R3HDM1: variants seen among roughly 807,000 people sequenced by gnomAD.
R3HDM1 encodes R3H domain containing 1, also known as R3H domain-containing protein 1.
Under a neutral mutation model 141.1 loss-of-function variants are expected in R3HDM1, and 46 were observed. The observed-to-expected ratio is 0.33, with a 90% CI of 0.26 to 0.42. R3HDM1 has a LOEUF of 0.42. Ranked by LOEUF, R3HDM1 falls within the 10% of genes least tolerant of loss-of-function variation. R3HDM1 has a pLI of 1.00. For synonymous variants in R3HDM1, 435 were observed against 472.9 expected (o/e 0.92, Z 1.04); for missense variants, 1,184 against 1,368.3 (o/e 0.87, Z 2.12).
At chr2:135,619,008 G>A (rs951762373) in intron 5 of R3HDM1, among the ~76,000 whole-genome samples, 9 of 139,394 alleles carry the variant, frequency 6.5e-5, no homozygotes, top group African/African-American at 1.6e-4. Context: ...TGACAAGAGC[G>A]AAACTCTTAT....
At chr2:135,572,048 C>T (rs6759866) in intron 1 of R3HDM1, among the ~76,000 whole-genome samples, 38,979 of 152,034 alleles carry the variant, frequency 0.26, 8,818 homozygotes, top group African/African-American at 0.6. Flanking sequence ...CTCCACCTCC[C>T]GGGTTCAAGC....
rs1385750124 is a variant in R3HDM1, at chr2:135,710,110, T to C, written c.2615T>C (p.Val872Ala). The change falls in exon 23 of 27, where the codon GTA becomes GCA. Residue 872 changes from valine (V) to alanine (A), a missense_variant. Physicochemically the swap from Val to Ala is moderately conservative, Grantham distance 64 (BLOSUM62 0). Around this residue, in one of 5 missense-constraint regions of R3HDM1, gnomAD observed 563 missense variants for 562.0 expected, o/e 1.00. Transcript: ENST00000683871. ...GGGMVMMQLS[V>A]PNNPQSCAHS... ...GGGATGGTGATGATGCAGCTCAGTG[T>C]ACCAAACAATCCACAATCTTGTGCC... The C allele has an allele frequency of 3.1e-6, 5 of 1,614,040 alleles. No homozygotes were observed. Among genetic ancestry groups the C allele is most frequent in the Non-Finnish European group, 4.2e-6 (5 of 1,180,020 alleles).
At chr2:135,646,347 G>GGATGGTCTC (rs1056880256) in intron 16 of R3HDM1, among the ~76,000 whole-genome samples, 13 of 151,416 alleles carry the variant, frequency 8.6e-5, no homozygotes, top group African/African-American at 3.1e-4. Context: ...ATGTTAGTCA[G>GGATGGTCTC]GATGGTCTCG....
At chr2:135,644,485 G>A (rs542573143) in intron 15 of R3HDM1, among the ~76,000 whole-genome samples, 117 of 152,062 alleles carry the variant, frequency 7.7e-4, no homozygotes, top group South Asian at 6.2e-4. Flanking sequence ...AGCCTGGGCC[G>A]GGCAACAGAG....
chr2:135,591,917 T>C (rs1321075207), intron 1 of R3HDM1, among the ~76,000 whole-genome samples: 1 of 152,240 alleles, frequency 6.6e-6, no homozygotes, highest in Non-Finnish European at 1.5e-5. Context: ...GGTCAAGATG[T>C]ATTGTCTTTC....
At chr2:135,643,552 G>A (rs2064035985) in intron 15 of R3HDM1, among the ~76,000 whole-genome samples, 2 of 151,922 alleles carry the variant, frequency 1.3e-5, no homozygotes, top group African/African-American at 4.8e-5. Flanking sequence ...TACTTTTTAT[G>A]TAGTCCCTTC....
chr2:135,639,982 C>A (rs563932807), intron 14 of R3HDM1, among the ~76,000 whole-genome samples: 2 of 151,968 alleles, frequency 1.3e-5, no homozygotes, highest in South Asian at 4.2e-4. Flanking sequence ...GTCTGTAGTC[C>A]CAGCTGTTTG....
chr2:135,550,658 T>C (rs1699665417), intron 1 of R3HDM1, among the ~76,000 whole-genome samples: 1 of 152,244 alleles, frequency 6.6e-6, no homozygotes, highest in Non-Finnish European at 1.5e-5. Context: ...TCATCAAAGA[T>C]ATACCTCTGC....
rs58456309 is a variant in R3HDM1 at position 135,564,133 on chromosome 2, A to C, written c.-250+32500A>C. ...TCTCACCTCCAACATTGGGGATTACATTCCAACATGAAATTTGAATGAGAC... is the reference window on the plus strand; with the variant it reads ...TCTCACCTCCAACATTGGGGATTACCTTCCAACATGAAATTTGAATGAGAC... On this transcript the variant is annotated intron_variant, in intron 1 of 26. Coordinates refer to ENST00000683871, the MANE Select transcript of R3HDM1 (RefSeq NM_001378107.1). Among the ~76,000 whole-genome samples, 641 of 152,326 alleles carry C rather than the reference A, an allele frequency of 4.2e-3. 7 individuals carry two copies. The highest frequency in any genetic ancestry group is 0.015 in the African/African-American group (607 of 41,576).
At chr2:135,631,607 A>G in intron 7 of R3HDM1, 111 bp from the exon 8 acceptor site, 1 of 748,486 alleles carries the variant, frequency 1.3e-6, no homozygotes, top group East Asian at 3.0e-5. Flanking sequence ...GTAATACTGA[A>G]TGTATAGTTT....
chr2:135,541,025 A>G (rs1697363351), intron 1 of R3HDM1, among the ~76,000 whole-genome samples: 1 of 152,124 alleles, frequency 6.6e-6, no homozygotes, highest in African/African-American at 2.4e-5. Context: ...AGGTGTCAAC[A>G]GAGGGTTTTA....
At position 135,565,644 on chromosome 2, in the gene R3HDM1, A is replaced by C. The variant is rs1185736599; in HGVS notation, c.-250+34011A>C. 2.0e-5 allele frequency: 3 copies of C among 152,024 alleles called. No individual in the cohort carries two copies. In the East Asian group the frequency reaches 5.8e-4, roughly 29 times the overall value. The allele number at this position is 152,024 out of a possible 1,614,324, so 9.4% of individuals were successfully genotyped here. A position where few individuals can be genotyped will look rare whatever the true frequency, so the allele number is the denominator to read the frequency against. ...TTCTTCTTTACTTGCAAAATTAAAA[A>C]TATAACTTGATAGTAATTATTAAAT... On this transcript the variant is annotated intron_variant, in intron 1 of 26. Coordinates refer to ENST00000683871, the MANE Select transcript of R3HDM1 (RefSeq NM_001378107.1).
intron 14 of R3HDM1, among the ~76,000 whole-genome samples, chr2:135,639,507 A>G (rs1347266466): frequency 6.6e-6 from 1 of 152,202 alleles, no homozygotes; most frequent in Admixed American, 6.5e-5. Flanking sequence ...ATTTTCAGCT[A>G]ATACTATCAA....
rs2061000335 is a variant in R3HDM1, at chr2:135,616,157, A to G, written c.177A>G (p.Pro59=). The G allele has an allele frequency of 6.2e-7, 1 of 1,613,088 alleles. No homozygotes were observed. Among genetic ancestry groups the G allele is most frequent in the Non-Finnish European group, 8.5e-7 (1 of 1,179,058 alleles). ...AATCTTTCTTGTATATTCAGCGGCC[A>G]TTGCAGTCATTTGGACAGACAGGAA... ...CIENNIDLQR[P]LQSFGQTGKR... is the part of the protein sequence containing the mutation. The change falls in exon 4 of 27, where the codon CCA becomes CCG. Residue 59 remains proline (P), a synonymous_variant. Coordinates refer to ENST00000683871, the MANE Select transcript of R3HDM1 (RefSeq NM_001378107.1).
At chr2:135,555,557 A>G (rs1700594241) in intron 1 of R3HDM1, among the ~76,000 whole-genome samples, 1 of 152,152 alleles carries the variant, frequency 6.6e-6, no homozygotes, top group Non-Finnish European at 1.5e-5. Context: ...CAGGAATTCC[A>G]CTCCTAGGTA....
chr2:135,651,862 A>G lies in R3HDM1; in HGVS notation c.1858A>G (p.Met620Val), dbSNP rs762468189. The change falls in exon 18 of 27, where the codon ATG (methionine) becomes GTG (valine). Residue 620 changes from methionine (M) to valine (V), a missense_variant. Met to Val is a conservative substitution (Grantham distance 21). Transcript: ENST00000683871. The stretch of plus-strand genomic sequence containing the variant: ...GTCTCCACAGCAGTCTGGTTATATC[A>G]TGACAGCAGCCCCTCCACCACATCC... ...LQSPQQSGYI[M>V]TAAPPPHPPP... is the part of the protein sequence containing the mutation. The G allele has an allele frequency of 1.2e-6, 2 of 1,613,942 alleles. No individual in the cohort carries two copies. The highest frequency in any genetic ancestry group is 2.2e-5 in the South Asian group (2 of 91,060).
At position 135,602,635 on chromosome 2, in the gene R3HDM1, G is replaced by A; in HGVS notation, c.-114G>A. 6.5e-7 allele frequency: 1 copy of A among 1,548,050 alleles called. No individual in the cohort carries two copies. Reference sequence around the variant, plus strand: ...ACAGTTGACATCCTGGCTGACAACTGTGAAAAAGAACCTTGGATTATTTTA... The same window carrying A: ...ACAGTTGACATCCTGGCTGACAACTATGAAAAAGAACCTTGGATTATTTTA... On this transcript the variant is annotated 5_prime_UTR_variant, in exon 2 of 27. The change creates a new upstream start codon in the 5' untranslated region. Coordinates refer to ENST00000683871, the MANE Select transcript of R3HDM1 (RefSeq NM_001378107.1).
chr2:135,620,738 A>G (rs1181654222), intron 5 of R3HDM1: 2 of 849,430 alleles, frequency 2.4e-6, no homozygotes, highest in Non-Finnish European at 1.4e-6. Context: ...ACAGAGCTAC[A>G]TGATTTTTGC....
chr2:135,571,319 T>A (rs1704047387), intron 1 of R3HDM1, among the ~76,000 whole-genome samples: 1 of 151,834 alleles, frequency 6.6e-6, no homozygotes. Flanking sequence ...TATTTTTTTT[T>A]AATTATTCAT....
Sources: allele counts gnomAD v4.1 joint callset (sites outside exome capture counted in the v4.1 genomes callset), GRCh38; gene constraint gnomAD v4.1.1; regional missense constraint gnomAD v4.1.1; transcripts MANE v1.5; gene names NCBI Gene and HGNC (gene_info 2026-07-23, HGNC 2026-07-21).